Variants in CADPS2 observed in about 807,000 individuals in gnomAD.
CADPS2 encodes calcium dependent secretion activator 2.
A neutral mutation model predicts 172.5 loss-of-function variants in CADPS2; 93 were observed. The ratio of observed to expected loss-of-function variants is 0.54; its 90% CI spans 0.46 to 0.64. The LOEUF is 0.64. Ranked by LOEUF, CADPS2 falls within the 30% of genes least tolerant of loss-of-function variation. CADPS2 has a pLI of 0.00. For synonymous variants in CADPS2, 546 were observed against 555.2 expected, an observed-to-expected ratio of 0.98 and a Z score of 0.23; for missense variants, 1,420 against 1,565.9, an observed-to-expected ratio of 0.91 and a Z score of 1.57.
rs1018556364 is a variant in CADPS2 at position 122,407,436 on chromosome 7, G to A, written c.2746+104C>T. 9 of 1,241,000 alleles carry A rather than the reference G, an allele frequency of 7.3e-6. No individual in the cohort carries two copies. In the South Asian group the frequency reaches 1.1e-4, roughly 15 times the overall value. The allele number at this position is 1,241,000 out of a possible 1,614,324, so 76.9% of individuals were successfully genotyped here. The stretch of plus-strand genomic sequence containing the variant: ...GAGCAAACCTAAATGTTACCCATGC[G>A]AACTCTTGTCAGGCCGGTGTGAGGG... On this transcript the variant is annotated intron_variant, in intron 20 of 29. Transcript: ENST00000449022.
intron 4 of CADPS2, among the ~76,000 whole-genome samples, chr7:122,623,380 A>G (rs533603188): frequency 6.6e-6 from 1 of 152,322 alleles, no homozygotes; most frequent in Non-Finnish European, 1.5e-5. Flanking sequence ...TCCAAAACTG[A>G]GAAATAAGGC....
At chr7:122,750,433 C>T (rs1299184628) in intron 1 of CADPS2, among the ~76,000 whole-genome samples, 2 of 152,072 alleles carry the variant, frequency 1.3e-5, no homozygotes, top group African/African-American at 4.8e-5. Flanking sequence ...CTGATGCCCC[C>T]TCTTTCTATG....
At chr7:122,830,877 G>A (rs761947110) in intron 1 of CADPS2, among the ~76,000 whole-genome samples, 3 of 151,990 alleles carry the variant, frequency 2.0e-5, no homozygotes, top group Non-Finnish European at 4.4e-5. Context: ...TACAAATAAA[G>A]TACTTATAAA....
intron 25 of CADPS2, among the ~76,000 whole-genome samples, chr7:122,366,610 TACAC>T (rs200926726): frequency 0.4 from 50,368 of 125,918 alleles, 9,594 homozygotes; most frequent in East Asian, 0.51. Context: ...ATCTCAAAAA[TACAC>T]ACACACACAC....
intron 20 of CADPS2, among the ~76,000 whole-genome samples, chr7:122,401,734 G>C (rs910368940): frequency 1.3e-5 from 2 of 152,168 alleles, no homozygotes; most frequent in African/African-American, 4.8e-5. Flanking sequence ...GAGTAGATTG[G>C]GGTAGATGAA....
chr7:122,340,586 AC>A (rs1031223717), intron 28 of CADPS2, among the ~76,000 whole-genome samples: 5 of 152,046 alleles, frequency 3.3e-5, no homozygotes, highest in Non-Finnish European at 4.4e-5. Flanking sequence ...CTGAAAAATC[AC>A]CCCTTTCCAG....
intron 5 of CADPS2, among the ~76,000 whole-genome samples, chr7:122,618,458 A>G (rs1354727690): frequency 6.6e-6 from 1 of 151,942 alleles, no homozygotes; most frequent in Non-Finnish European, 1.5e-5. Context: ...TTAGTTGGTA[A>G]GTACTACAGC....
chr7:122,551,594 C>A (rs1277786353), intron 8 of CADPS2, among the ~76,000 whole-genome samples: 1 of 151,998 alleles, frequency 6.6e-6, no homozygotes. Flanking sequence ...CTACTGAAGT[C>A]CTAAAGATTT....
chr7:122,856,323 C>T (rs1262735501), intron 1 of CADPS2, among the ~76,000 whole-genome samples: 1 of 152,180 alleles, frequency 6.6e-6, no homozygotes, highest in Non-Finnish European at 1.5e-5. Context: ...ATCCCCATCC[C>T]ACCAGTGGCA....
intron 1 of CADPS2, among the ~76,000 whole-genome samples, chr7:122,857,794 GC>G (rs1481781286): frequency 6.6e-6 from 1 of 152,178 alleles, no homozygotes; most frequent in Non-Finnish European, 1.5e-5. Flanking sequence ...CAAGAATGAA[GC>G]CGCTGACATT....
At chr7:122,817,825 A>G (rs1451089136) in intron 1 of CADPS2, among the ~76,000 whole-genome samples, 1 of 148,898 alleles carries the variant, frequency 6.7e-6, no homozygotes, top group African/African-American at 2.5e-5. Flanking sequence ...CCATGCCCCA[A>G]CCTCTTATAT....
intron 17 of CADPS2, among the ~76,000 whole-genome samples, chr7:122,419,744 A>G (rs1334324839): frequency 2.0e-5 from 3 of 151,016 alleles, no homozygotes; most frequent in Non-Finnish European, 2.9e-5. Context: ...ATGGACTCAT[A>G]TATGTGTATA....
chr7:122,541,879 A>ATATATATTCATATATATT lies in CADPS2; in HGVS notation c.1475+12653_1475+12670dup, dbSNP rs1456849359. Reference sequence around the variant, plus strand: ...TATTTATATATATGCATATATATTTATATATATTCATATATATTTATATAT... The same window carrying ATATATATTCATATATATT: ...TATTTATATATATGCATATATATTTATATATATTCATATATATTTATATATTCATATATATTTATATAT... On this transcript the variant is annotated intron_variant, in intron 8 of 29. Transcript: ENST00000449022. 9.2e-5 allele frequency among the ~76,000 whole-genome samples: 12 copies of ATATATATTCATATATATT among 130,660 alleles called. No homozygotes were observed. The South Asian group carries it at 1.7e-3, about 18-fold the overall frequency. 85.7% of individuals were successfully genotyped at this position (130,660 alleles called of 152,430 possible).
chr7:122,694,514 G>A lies in CADPS2; in HGVS notation c.454-30945C>T, dbSNP rs117198955. On this transcript the variant is annotated intron_variant, in intron 2 of 29. Coordinates refer to ENST00000449022, the MANE Select transcript of CADPS2 (RefSeq NM_017954.11). The stretch of plus-strand genomic sequence containing the variant: ...AATCATCACGGGACACAGTAACTTG[G>A]AGGTCTGATAAAGATGCTGCCATAA... Among the ~76,000 whole-genome samples the A allele has an allele frequency of 1.1e-3, 160 of 152,252 alleles. 4 individuals carry two copies. The East Asian group carries it at 0.022, about 21-fold the overall frequency.
At chr7:122,791,361 T>A (rs547104590) in intron 1 of CADPS2, among the ~76,000 whole-genome samples, 1 of 152,128 alleles carries the variant, frequency 6.6e-6, no homozygotes, top group Admixed American at 6.5e-5. Flanking sequence ...ACCTTGCTAC[T>A]CTTTTTTTTT....
intron 29 of CADPS2, among the ~76,000 whole-genome samples, chr7:122,320,694 T>C (rs2032239114): frequency 6.6e-6 from 1 of 152,214 alleles, no homozygotes; most frequent in South Asian, 2.1e-4. Context: ...TTAGTTTTTT[T>C]AATTGAGGGG....
At chr7:122,485,243 T>G (rs956135668) in intron 11 of CADPS2, among the ~76,000 whole-genome samples, 4 of 152,140 alleles carry the variant, frequency 2.6e-5, no homozygotes, top group Non-Finnish European at 5.9e-5. Flanking sequence ...CTACAAATGA[T>G]CATGCTTAGT....
intron 8 of CADPS2, among the ~76,000 whole-genome samples, chr7:122,548,989 G>A (rs1460095299): frequency 1.3e-5 from 2 of 152,108 alleles, no homozygotes; most frequent in East Asian, 1.9e-4. Context: ...ACCTAATAGG[G>A]ATATAACTGT....
chr7:122,794,499 C>G (rs1257600152), intron 1 of CADPS2, among the ~76,000 whole-genome samples: 1 of 151,878 alleles, frequency 6.6e-6, no homozygotes, highest in Non-Finnish European at 1.5e-5. Flanking sequence ...TATCAGACTT[C>G]AACTCCCACG....
Sources: gnomAD v4.1 joint callset for allele counts (sites outside exome capture counted in the v4.1 genomes callset) on GRCh38, gnomAD v4.1.1 for gene constraint, MANE v1.5 for transcripts, NCBI Gene and HGNC (gene_info 2026-07-23, HGNC 2026-07-21) for gene names.